Variants in DROSHA observed in about 807,000 individuals in gnomAD.
DROSHA encodes drosha ribonuclease III, also known as ribonuclease 3.
In DROSHA, 56 loss-of-function variants were observed where a neutral mutation model predicts 181.9. The ratio of observed to expected loss-of-function variants is 0.31; its 90% CI spans 0.25 to 0.38. DROSHA has a LOEUF of 0.38. Ranked by LOEUF, DROSHA falls within the 10% of genes least tolerant of loss-of-function variation. The pLI, the probability that DROSHA is intolerant of heterozygous loss-of-function variation, is 1.00. For missense variants in DROSHA, 1,218 were observed against 1,743.5 expected, an observed-to-expected ratio of 0.70 and a Z score of 5.37; for synonymous variants, 524 against 591.2, an observed-to-expected ratio of 0.89 and a Z score of 1.65.
At chr5:31,476,016 G>C (rs1750323771) in intron 16 of DROSHA, among the ~76,000 whole-genome samples, 1 of 152,186 alleles carries the variant, frequency 6.6e-6, no homozygotes, top group Non-Finnish European at 1.5e-5. Flanking sequence ...CATTTCTGTA[G>C]AAAATGATTA....
chr5:31,486,409 C>A (rs1198860043), intron 14 of DROSHA, 82 bp downstream of exon 14: 8 of 1,428,376 alleles, frequency 5.6e-6, no homozygotes, highest in Admixed American at 2.0e-5. Flanking sequence ...CCAGATCTGG[C>A]CAAGTTCAAT....
intron 14 of DROSHA, among the ~76,000 whole-genome samples, chr5:31,485,927 T>C (rs1751693544): frequency 6.6e-6 from 1 of 152,230 alleles, no homozygotes; most frequent in Admixed American, 6.5e-5. Context: ...TTTCTTAGTA[T>C]GATTTGTTGA....
intron 23 of DROSHA, among the ~76,000 whole-genome samples, chr5:31,437,536 G>T (rs1745027090): frequency 1.3e-5 from 2 of 151,754 alleles, no homozygotes; most frequent in Admixed American, 1.3e-4. Flanking sequence ...TCTACCAGGG[G>T]GCTTCCTTCC....
chr5:31,512,961 A>G (rs1467037978), intron 8 of DROSHA, among the ~76,000 whole-genome samples: 1 of 152,226 alleles, frequency 6.6e-6, no homozygotes, highest in Non-Finnish European at 1.5e-5. Context: ...ACCTGCTGAC[A>G]TCCTGATGGA....
chr5:31,500,726 C>A (rs565583969), intron 11 of DROSHA, among the ~76,000 whole-genome samples: 1 of 152,216 alleles, frequency 6.6e-6, no homozygotes, highest in South Asian at 2.1e-4. Flanking sequence ...GCAGAGCTCA[C>A]CAGCAGTAAT....
chr5:31,427,704 C>A (rs777418672), intron 27 of DROSHA, among the ~76,000 whole-genome samples: 38 of 152,188 alleles, frequency 2.5e-4, no homozygotes, highest in Non-Finnish European at 4.7e-4. Context: ...TCTCTCTCCA[C>A]CCCCACAACA....
At chr5:31,460,939 C>A (rs17408409) in intron 20 of DROSHA, among the ~76,000 whole-genome samples, 1,525 of 151,942 alleles carry the variant, frequency 0.01, 11 homozygotes, top group Non-Finnish European at 0.016. Context: ...GTCCCTTTCT[C>A]AAAAAATTAC....
intron 6 of DROSHA, among the ~76,000 whole-genome samples, chr5:31,517,127 A>G (rs1454421402): frequency 6.6e-6 from 1 of 152,246 alleles, no homozygotes; most frequent in Non-Finnish European, 1.5e-5. Context: ...TATTGAAATG[A>G]ATATGTTTCA....
intron 21 of DROSHA, 102 bp from the exon 22 acceptor site, chr5:31,449,521 A>C: frequency 7.9e-7 from 1 of 1,273,332 alleles, no homozygotes; most frequent in Non-Finnish European, 1.1e-6. Context: ...TTAGCCCAGG[A>C]GATCAAGACT....
In DROSHA at chr5:31,448,531, TA is replaced by T; in HGVS notation, c.2882+15del. On this transcript the variant is annotated intron_variant, in intron 23 of 35. Coordinates refer to ENST00000344624, the MANE Select transcript of DROSHA (RefSeq NM_001382508.1). The stretch of plus-strand genomic sequence containing the variant: ...ATTATATATCAATCAGGTTGTTTAT[TA>T]AAAATCAACTTTACCTCGAGGGAGT... The T allele has an allele frequency of 1.2e-6, 2 of 1,608,160 alleles. No homozygotes were observed. Among genetic ancestry groups the T allele is most frequent in the Non-Finnish European group, 1.7e-6 (2 of 1,174,798 alleles).
Position 31,526,155 on chromosome 5 carries a change from T to G in DROSHA, c.778A>C (p.Arg260=), listed in dbSNP as rs199860760. The change falls in exon 5 of 36, where the codon AGA becomes CGA. Residue 260 remains arginine, a synonymous_variant. Coordinates refer to ENST00000344624, the MANE Select transcript of DROSHA (RefSeq NM_001382508.1). The part of the protein sequence containing the change: ...RERGRSPDRR[R]QDSRYRSDYD... ...TCAGATCTGTACCGGCTGTCTTGTC[T>G]TCTCCTGTCGGGACTGCGGCCTCGC... is the stretch of plus-strand genomic sequence containing the variant. The G allele has an allele frequency of 6.2e-7, 1 of 1,613,928 alleles. No homozygotes were observed. The highest frequency in any genetic ancestry group is 1.7e-5 in the Admixed American group (1 of 60,016).
At chr5:31,528,403 C>T (rs982731476) in intron 4 of DROSHA, among the ~76,000 whole-genome samples, 33 of 152,078 alleles carry the variant, frequency 2.2e-4, no homozygotes, top group Admixed American at 5.2e-4. Context: ...TTGCTCTTTT[C>T]CTAGTATTTC....
intron 11 of DROSHA, among the ~76,000 whole-genome samples, chr5:31,497,127 G>A (rs1048887930): frequency 6.6e-6 from 1 of 152,210 alleles, no homozygotes; most frequent in Non-Finnish European, 1.5e-5. Context: ...CTGAGCCCAT[G>A]TGACTGGGGT....
In DROSHA at chr5:31,409,814, AAG is replaced by A. The variant is rs1741085136; in HGVS notation, c.3668-484_3668-483del. ...AATTTATAGATTCAATCTGCCCAAA[AAG>A]AGAAAAACTTAATACTGATCTTAAT... On this transcript the variant is annotated intron_variant, in intron 31 of 35. Coordinates refer to ENST00000344624, the MANE Select transcript of DROSHA (RefSeq NM_001382508.1). The surrounding 1 kb of genome is among the most constrained non-coding windows in gnomAD (Gnocchi z 4.0). Among the ~76,000 whole-genome samples the A allele has an allele frequency of 4.6e-5, 7 of 152,308 alleles. No homozygotes were observed. The South Asian group carries it at 1.4e-3, about 32-fold the overall frequency.
At chr5:31,422,757 A>G in intron 29 of DROSHA, 30 bp downstream of exon 29, 2 of 1,613,138 alleles carry the variant, frequency 1.2e-6, no homozygotes, top group Non-Finnish European at 1.7e-6. Flanking sequence ...AAATGGTCAC[A>G]TTGGGACTAC....
intron 23 of DROSHA, among the ~76,000 whole-genome samples, chr5:31,445,144 T>C (rs1182815475): frequency 1.3e-5 from 2 of 152,148 alleles, no homozygotes; most frequent in Non-Finnish European, 2.9e-5. Flanking sequence ...CAACTCCCCA[T>C]CTTAAAAACA....
rs370119793 is a variant in DROSHA at position 31,471,023 on chromosome 5, A to G, written c.2241+1040T>C. On this transcript the variant is annotated intron_variant, in intron 17 of 35. Transcript: ENST00000344624. ...TTTAATAATTATGTGGCTTAACAGT[A>G]TAACAGTAAAAATTATACGATTTTC... Among the ~76,000 whole-genome samples, 4 of 152,382 alleles carry G rather than the reference A, an allele frequency of 2.6e-5. No homozygotes were observed. The South Asian group carries it at 6.2e-4, about 24-fold the overall frequency.
intron 25 of DROSHA, among the ~76,000 whole-genome samples, chr5:31,432,047 CA>C (rs1744242545): frequency 6.6e-6 from 1 of 152,034 alleles, no homozygotes; most frequent in Non-Finnish European, 1.5e-5. Flanking sequence ...GAGAGAATTA[CA>C]AACCTAACAC....
intron 30 of DROSHA, among the ~76,000 whole-genome samples, chr5:31,416,773 G>A (rs1181893979): frequency 2.6e-5 from 4 of 152,166 alleles, no homozygotes; most frequent in Non-Finnish European, 5.9e-5. Flanking sequence ...TGTGGTACGA[G>A]GCTGGGCAGG....
Sources: allele counts gnomAD v4.1 joint callset (sites outside exome capture counted in the v4.1 genomes callset), GRCh38; gene constraint gnomAD v4.1.1; non-coding constraint Gnocchi (gnomAD v3.1); transcripts MANE v1.5; gene names NCBI Gene and HGNC (gene_info 2026-07-23, HGNC 2026-07-21).